The following KCNQ3 variants were observed in gnomAD, a reference collection of about 807,000 sequenced individuals.
The protein encoded by KCNQ3 is potassium voltage-gated channel subfamily KQT member 3.
A neutral mutation model predicts 92.5 loss-of-function variants in KCNQ3; 30 were observed. The observed-to-expected ratio is 0.32, with a 90% CI of 0.24 to 0.44. KCNQ3 has a LOEUF of 0.44. KCNQ3 is among the 20% of genes least tolerant of loss of function. The pLI is 1.00. For missense variants in KCNQ3, 913 were observed against 1,140.3 expected (o/e 0.80, Z 2.87); for synonymous variants, 450 against 468.8 (o/e 0.96, Z 0.52).
chr8:132,147,382 A>T (rs1328000860), intron 9 of KCNQ3, among the ~76,000 whole-genome samples: 1 of 152,216 alleles, frequency 6.6e-6, no homozygotes, highest in Non-Finnish European at 1.5e-5. Context: ...GACTTCGAAC[A>T]AGCAAGTGTG....
Position 132,122,531 on chromosome 8 carries a change from G to A in KCNQ3, c.*6731C>T, listed in dbSNP as rs994699760. 20 of 152,190 alleles carry A rather than the reference G, an allele frequency of 1.3e-4. No individual in the cohort carries two copies. Among genetic ancestry groups the A allele is most frequent in the African/African-American group, 4.8e-4 (20 of 41,454 alleles). The allele number at this position is 152,190 out of a possible 1,614,324, so 9.4% of individuals were successfully genotyped here. On this transcript the variant is annotated 3_prime_UTR_variant, in exon 15 of 15. Transcript: ENST00000388996. ...TCTCAAGTTATTCTTATATACAGCC[G>A]ATTTTTGGCGGTGTCAAAGAAATTC...
At chr8:132,170,491 C>T in intron 7 of KCNQ3, 63 bp from the exon 8 acceptor site, 1 of 993,750 alleles carries the variant, frequency 1.0e-6, no homozygotes, top group Non-Finnish European at 1.6e-6. Context: ...GCACAGACTC[C>T]CACACCAACA....
intron 1 of KCNQ3, among the ~76,000 whole-genome samples, chr8:132,463,435 A>G (rs1822105562): frequency 6.6e-6 from 1 of 152,196 alleles, no homozygotes; most frequent in Admixed American, 6.5e-5. Flanking sequence ...ATGAAAACAT[A>G]ATTTACTCAG....
intron 1 of KCNQ3, among the ~76,000 whole-genome samples, chr8:132,452,631 A>G (rs143851569): frequency 6.6e-6 from 1 of 152,276 alleles, no homozygotes; most frequent in African/African-American, 2.4e-5. Flanking sequence ...AGAAGAGTCC[A>G]TTCCTCACCC....
At chr8:132,312,180 A>G (rs1442348441) in intron 1 of KCNQ3, among the ~76,000 whole-genome samples, 3 of 152,160 alleles carry the variant, frequency 2.0e-5, no homozygotes, top group Non-Finnish European at 4.4e-5. Context: ...CTGTGAGAGA[A>G]TACATTTCTG....
chr8:132,368,579 G>A (rs190593280), intron 1 of KCNQ3, among the ~76,000 whole-genome samples: 90 of 152,158 alleles, frequency 5.9e-4, no homozygotes, highest in African/African-American at 1.8e-3. Context: ...CTTGGGCCCC[G>A]GGGGTCAAGG....
chr8:132,128,837 G>T lies in KCNQ3; in HGVS notation c.*425C>A, dbSNP rs10956641. On this transcript the variant is annotated 3_prime_UTR_variant, in exon 15 of 15. Transcript: ENST00000388996. ...TGCTTTCAAAAACAGTTAATTGCTG[G>T]AGCGTTTTACACAAGAGGGCAGTGA... 45,639 of 181,208 alleles carry T rather than the reference G, an allele frequency of 0.25. 6,043 individuals are homozygous for T. The highest frequency in any genetic ancestry group is 0.35 in the South Asian group (2,584 of 7,474). 11.2% of individuals were successfully genotyped at this position (181,208 alleles called of 1,614,324 possible). A position where few individuals can be genotyped will look rare whatever the true frequency, so the allele number is the denominator to read the frequency against.
chr8:132,238,625 A>G (rs1814892637), intron 1 of KCNQ3, among the ~76,000 whole-genome samples: 1 of 151,052 alleles, frequency 6.6e-6, no homozygotes, highest in Non-Finnish European at 1.5e-5. Context: ...TCTCATTTCT[A>G]TTTTTCTCTC....
intron 1 of KCNQ3, among the ~76,000 whole-genome samples, chr8:132,394,503 G>T (rs775487706): frequency 7.9e-5 from 12 of 152,168 alleles, no homozygotes; most frequent in Non-Finnish European, 1.5e-4. Context: ...ATAAGTGATT[G>T]CTTGATCCAG....
rs191007503 is a variant in KCNQ3 at position 132,314,218 on chromosome 8, A to G, written c.387-128037T>C. On this transcript the variant is annotated intron_variant, in intron 1 of 14. Transcript: ENST00000388996. ...CATTTCCTAAATGTAAACACTTAGG[A>G]AAGATAAAATTTTAAAAATTTCTAT... Among the ~76,000 whole-genome samples, 305 of 152,336 alleles carry G rather than the reference A, an allele frequency of 2.0e-3. 1 individual carries two copies. Among genetic ancestry groups the G allele is most frequent in the African/African-American group, 6.9e-3 (286 of 41,574 alleles).
chr8:132,371,172 T>A (rs570170635), intron 1 of KCNQ3, among the ~76,000 whole-genome samples: 4 of 152,298 alleles, frequency 2.6e-5, no homozygotes, highest in African/African-American at 9.6e-5. Flanking sequence ...CTCTCCTCCA[T>A]CTTCAATCTG....
intron 1 of KCNQ3, among the ~76,000 whole-genome samples, chr8:132,392,386 C>T (rs1820071303): frequency 1.3e-5 from 2 of 152,176 alleles, no homozygotes; most frequent in East Asian, 1.9e-4. Flanking sequence ...ATCATGCGCT[C>T]TCCTCTTCCT....
At chr8:132,203,174 C>T (rs1422875754) in intron 1 of KCNQ3, among the ~76,000 whole-genome samples, 2 of 152,168 alleles carry the variant, frequency 1.3e-5, no homozygotes, top group Non-Finnish European at 2.9e-5. Flanking sequence ...GAGCATTAAT[C>T]CATTCCTGAG....
At chr8:132,407,318 C>T (rs1323663379) in intron 1 of KCNQ3, among the ~76,000 whole-genome samples, 2 of 152,172 alleles carry the variant, frequency 1.3e-5, no homozygotes, top group East Asian at 3.9e-4. Context: ...AAAACTCAGG[C>T]TCTGAGACCA....
intron 14 of KCNQ3, among the ~76,000 whole-genome samples, chr8:132,131,436 T>C (rs1261163076): frequency 6.6e-6 from 1 of 152,198 alleles, no homozygotes; most frequent in Non-Finnish European, 1.5e-5. Flanking sequence ...CACCTGTGCC[T>C]GCCCTCCTTC....
At chr8:132,271,420 TATTTA>T (rs941796297) in intron 1 of KCNQ3, among the ~76,000 whole-genome samples, 1 of 151,094 alleles carries the variant, frequency 6.6e-6, no homozygotes, top group African/African-American at 2.5e-5. Context: ...TGTCATATTT[TATTTA>T]TTTATTTAAT....
intron 1 of KCNQ3, among the ~76,000 whole-genome samples, chr8:132,237,774 G>T (rs17596332): frequency 6.6e-6 from 1 of 152,094 alleles, no homozygotes; most frequent in African/African-American, 2.4e-5. Context: ...GAAACTCAAA[G>T]TAAAATCACC....
intron 1 of KCNQ3, among the ~76,000 whole-genome samples, chr8:132,445,602 C>A (rs1256353727): frequency 1.3e-5 from 2 of 152,122 alleles, no homozygotes; most frequent in African/African-American, 4.8e-5. Context: ...TTCCCCAATC[C>A]TCCAAATCAA....
intron 1 of KCNQ3, among the ~76,000 whole-genome samples, chr8:132,453,814 C>T (rs1283164070): frequency 6.6e-6 from 1 of 152,160 alleles, no homozygotes; most frequent in African/African-American, 2.4e-5. Flanking sequence ...TGACCTGGCC[C>T]AACTAGAAGA....
Sources: gnomAD v4.1 joint callset for allele counts (sites outside exome capture counted in the v4.1 genomes callset) on GRCh38, gnomAD v4.1.1 for gene constraint, MANE v1.5 for transcripts, NCBI Gene and HGNC (gene_info 2026-07-23, HGNC 2026-07-21) for gene names.